SUGP2: variants seen among roughly 807,000 people sequenced by gnomAD.
SUGP2 encodes the protein SURP and G-patch domain-containing protein 2.
Under a neutral mutation model 90.5 loss-of-function variants are expected in SUGP2, and 24 were observed. The ratio of observed to expected loss-of-function variants is 0.27; its 90% CI spans 0.19 to 0.37. The LOEUF (loss-of-function observed/expected upper bound fraction) is 0.37, where lower values mean the gene tolerates loss of function less well. Ranked by LOEUF, SUGP2 falls within the 10% of genes least tolerant of loss-of-function variation. The pLI is 1.00. For missense variants in SUGP2, 1,233 were observed against 1,363.3 expected, an observed-to-expected ratio of 0.90 and a Z score of 1.51; for synonymous variants, 473 against 513.4, an observed-to-expected ratio of 0.92 and a Z score of 1.06.
At chr19:18,996,176 C>T (rs2057574265) in intron 8 of SUGP2, among the ~76,000 whole-genome samples, 1 of 152,122 alleles carries the variant, frequency 6.6e-6, no homozygotes. Flanking sequence ...GTGGGTGGAT[C>T]ACTGGAGGTC....
At chr19:19,020,736 C>T (rs929477983) in intron 3 of SUGP2, among the ~76,000 whole-genome samples, 1 of 151,982 alleles carries the variant, frequency 6.6e-6, no homozygotes, top group African/African-American at 2.4e-5. Flanking sequence ...CCATGCCCTG[C>T]CCAAAATATT....
At chr19:19,023,240 A>C (rs1372036488) in intron 3 of SUGP2, among the ~76,000 whole-genome samples, 1 of 152,190 alleles carries the variant, frequency 6.6e-6, no homozygotes, top group Non-Finnish European at 1.5e-5. Context: ...AATACAGCTC[A>C]AGCACGACCT....
In SUGP2 at chr19:19,025,563, G is replaced by A; in HGVS notation, c.785C>T (p.Thr262Ile). 2 of 1,614,122 alleles carry A rather than the reference G, an allele frequency of 1.2e-6. No homozygotes were observed. Among genetic ancestry groups the A allele is most frequent in the East Asian group, 2.2e-5 (1 of 44,880 alleles). ...TKKIPTVNRI[T>I]PKTQGTNQIQ... is the part of the protein sequence containing the mutation. The stretch of plus-strand genomic sequence containing the variant: ...TTGGTTAGTGCCCTGAGTTTTGGGA[G>A]TAATACGATTCACGGTGGGTATTTT... Residue 262 changes from threonine (T) to isoleucine (I), a missense_variant, in exon 3 of 11, where the codon ACT becomes ATT. Thr to Ile is a moderately conservative substitution (Grantham distance 89). Around this residue, in one of 8 missense-constraint regions of SUGP2, gnomAD observed 418 missense variants for 399.9 expected, o/e 1.05. Coordinates refer to ENST00000452918, the MANE Select transcript of SUGP2 (RefSeq NM_001017392.5).
chr19:19,010,127 C>T lies in SUGP2; in HGVS notation c.2066G>A (p.Arg689Gln), dbSNP rs141175813. Residue 689 changes from arginine to glutamine, a missense_variant, in exon 5 of 11, where the codon CGG (arginine) becomes CAG (glutamine). By Grantham distance (43) the Arg-to-Gln change is conservative. This residue lies in a region of SUGP2 where 540 missense variants were observed against 542.6 expected (regional missense o/e 1.00). Coordinates refer to ENST00000452918, the MANE Select transcript of SUGP2 (RefSeq NM_001017392.5). ...GGTCGCTCTCCTCGCCTTCCAGCCC[C>T]GGAGCCCTTGAGCACGGAGGAGCCC... The part of the protein sequence containing the change: ...RRGLLRAQGL[R>Q]GWKARRATTG... The T allele has an allele frequency of 2.1e-4, 345 of 1,612,074 alleles. No homozygotes were observed. Among genetic ancestry groups the T allele is most frequent in the South Asian group, 5.4e-4 (49 of 91,032 alleles).
chr19:19,005,872 CACACA>C (rs753589374), intron 6 of SUGP2, among the ~76,000 whole-genome samples: 1 of 34,464 alleles, frequency 2.9e-5, no homozygotes, highest in African/African-American at 8.8e-5. Flanking sequence ...CACACACACA[CACACA>C]CACACACACA....
intron 8 of SUGP2, among the ~76,000 whole-genome samples, chr19:18,998,686 C>T (rs2057711747): frequency 6.6e-6 from 1 of 151,874 alleles, no homozygotes; most frequent in Non-Finnish European, 1.5e-5. Context: ...TGCAGGCGGC[C>T]CCTCCATAAT....
chr19:19,019,281 A>T (rs116514413), intron 3 of SUGP2, 52 bp from the exon 4 acceptor site: 1 of 1,580,340 alleles, frequency 6.3e-7, no homozygotes, highest in East Asian at 2.3e-5. Context: ...GTGGGCTCTG[A>T]GAAGACGAGG....
chr19:18,998,376 T>C (rs4808899), intron 8 of SUGP2, among the ~76,000 whole-genome samples: 9,178 of 152,340 alleles, frequency 0.06, 365 homozygotes, highest in Middle Eastern at 0.15. Flanking sequence ...AGTCTTGAAC[T>C]CCCGGGCTCA....
chr19:19,011,857 C>T (rs1215184728), intron 4 of SUGP2, among the ~76,000 whole-genome samples: 2 of 152,154 alleles, frequency 1.3e-5, no homozygotes, highest in African/African-American at 2.4e-5. Flanking sequence ...TAAATAACCA[C>T]CCCACAACAA....
chr19:18,994,976 C>A (rs2145227148), intron 9 of SUGP2, 168 bp downstream of exon 9: 1 of 784,480 alleles, frequency 1.3e-6, no homozygotes, highest in South Asian at 1.7e-5. Context: ...CCTGTAAACA[C>A]CTGCACATGT....
chr19:18,998,921 C>T (rs572966096), intron 8 of SUGP2: 1 of 152,434 alleles, frequency 6.6e-6, no homozygotes, highest in African/African-American at 2.4e-5. Context: ...TGACAGAACC[C>T]ACCGGCTGAG....
At chr19:19,016,906 C>T (rs905484394) in intron 4 of SUGP2, among the ~76,000 whole-genome samples, 1 of 152,126 alleles carries the variant, frequency 6.6e-6, no homozygotes, top group African/African-American at 2.4e-5. Context: ...ACATGCCTAC[C>T]TCATTCAATA....
rs544904664 is a variant in SUGP2, at chr19:18,994,808, C to G, written c.3129-322G>C. 1.1e-4 allele frequency: 60 copies of G among 527,920 alleles called. No individual in the cohort carries two copies. The Admixed American group carries it at 1.4e-3, about 12-fold the overall frequency. 32.7% of individuals were successfully genotyped at this position (527,920 alleles called of 1,614,324 possible). On this transcript the variant is annotated intron_variant, in intron 9 of 10. Coordinates refer to ENST00000452918, the MANE Select transcript of SUGP2 (RefSeq NM_001017392.5). ...TAAACTTTGGGCCTGTGTTCGGGAC[C>G]CTGGCTGGCCCGGCTATGGGTTCCC...
At chr19:19,010,721 A>T (rs1486027476) in intron 4 of SUGP2, among the ~76,000 whole-genome samples, 1 of 152,204 alleles carries the variant, frequency 6.6e-6, no homozygotes, top group Non-Finnish European at 1.5e-5. Flanking sequence ...TGACTGCATC[A>T]AGGAAAGTGT....
At chr19:19,026,537 C>T (rs1363506583) in intron 2 of SUGP2, among the ~76,000 whole-genome samples, 1 of 152,172 alleles carries the variant, frequency 6.6e-6, no homozygotes, top group Non-Finnish European at 1.5e-5. Context: ...TAAGTTGGCA[C>T]CAACAGCCCT....
At chr19:19,027,153 C>T (rs1305190619) in intron 2 of SUGP2, among the ~76,000 whole-genome samples, 1 of 152,138 alleles carries the variant, frequency 6.6e-6, no homozygotes, top group Non-Finnish European at 1.5e-5. Context: ...GATGTACTTG[C>T]ATTTGCTTAA....
chr19:18,994,798 T>G, intron 9 of SUGP2: 2 of 525,754 alleles, frequency 3.8e-6, no homozygotes, highest in Non-Finnish European at 6.8e-6. Flanking sequence ...TTTGGGCCTG[T>G]GTTCGGGACC....
At chr19:19,014,194 T>C (rs1487125159) in intron 4 of SUGP2, among the ~76,000 whole-genome samples, 4 of 152,300 alleles carry the variant, frequency 2.6e-5, no homozygotes, top group Middle Eastern at 3.4e-3. Flanking sequence ...GGTTTCATCA[T>C]GTTGGCCAGG....
chr19:19,009,948 G>A lies in SUGP2; in HGVS notation c.2245C>T (p.Pro749Ser). 6.2e-7 allele frequency: 1 copy of A among 1,614,166 alleles called. No homozygotes were observed. The highest frequency in any genetic ancestry group is 8.5e-7 in the Non-Finnish European group (1 of 1,180,014). The change falls in exon 5 of 11, where the codon CCC becomes TCC. Residue 749 changes from proline (P) to serine (S), a missense_variant. Physicochemically the swap from Pro to Ser is moderately conservative, Grantham distance 74. Transcript: ENST00000452918. ...PDPVGPSPQD[P>S]SLEASGPSPK... ...GATGGGCCTGAGGCTTCTAAGCTGG[G>A]GTCCTGAGGAGAAGGTCCAACTGGG...
Sources: allele counts gnomAD v4.1 joint callset (sites outside exome capture counted in the v4.1 genomes callset), GRCh38; gene constraint gnomAD v4.1.1; regional missense constraint gnomAD v4.1.1; transcripts MANE v1.5; gene names NCBI Gene and HGNC (gene_info 2026-07-23, HGNC 2026-07-21).